The following CA10 variants were observed in gnomAD, a reference collection of about 807,000 sequenced individuals.
CA10 encodes the protein carbonic anhydrase-related protein 10.
In CA10, 14 loss-of-function variants were observed where a neutral mutation model predicts 44.2. The observed-to-expected ratio is 0.32, with a 90% CI of 0.21 to 0.50. The LOEUF (loss-of-function observed/expected upper bound fraction) is 0.50. Among genes scored for constraint, CA10 ranks in the 20% least tolerant of loss-of-function variants. CA10 has a pLI of 0.99. For synonymous variants in CA10, 159 were observed against 141.6 expected, an observed-to-expected ratio of 1.12 and a Z score of -0.87; for missense variants, 350 against 409.7, an observed-to-expected ratio of 0.85 and a Z score of 1.26.
intron 6 of CA10, among the ~76,000 whole-genome samples, chr17:51,648,847 C>T (rs1381520806): frequency 3.3e-5 from 5 of 152,150 alleles, no homozygotes; most frequent in African/African-American, 1.2e-4. Context: ...TTCTCAATCC[C>T]GTAATTGGCA....
rs761236926 is a variant in CA10, at chr17:52,059,428, AC to A, written c.136+12890del. On this transcript the variant is annotated intron_variant, in intron 2 of 8. Transcript: ENST00000451037. ...CACAAGCCACTGAGCATTTTCCAGA[AC>A]CCGTTGCTGCATCTATTATCCAAAG... Among the ~76,000 whole-genome samples, 49 of 152,008 alleles carry A rather than the reference AC, an allele frequency of 3.2e-4. 1 individual carries two copies. The highest frequency in any genetic ancestry group is 3.7e-4 in the Non-Finnish European group (25 of 67,984).
chr17:52,084,545 G>T lies in CA10; in HGVS notation c.62-12152C>A, dbSNP rs545850348. On this transcript the variant is annotated intron_variant, in intron 1 of 8. Coordinates refer to ENST00000451037, the MANE Select transcript of CA10 (RefSeq NM_020178.5). ...TTGTCTGGAGAGTTGTATCTGAGGAGATTTGAGGACCATCCCTATCTCAGC... is the reference window on the plus strand; with the variant it reads ...TTGTCTGGAGAGTTGTATCTGAGGATATTTGAGGACCATCCCTATCTCAGC... 3.7e-4 allele frequency among the ~76,000 whole-genome samples: 56 copies of T among 152,238 alleles called. 1 individual carries two copies. The highest frequency in any genetic ancestry group is 1.1e-3 in the African/African-American group (47 of 41,486).
chr17:51,854,179 C>T (rs555695749), intron 3 of CA10, among the ~76,000 whole-genome samples: 1 of 152,282 alleles, frequency 6.6e-6, no homozygotes, highest in South Asian at 2.1e-4. Context: ...CTTTCTCCAC[C>T]TTCCTCACGA....
At position 52,096,327 on chromosome 17, in the gene CA10, G is replaced by A. The variant is rs112965939; in HGVS notation, c.62-23934C>T. On this transcript the variant is annotated intron_variant, in intron 1 of 8. Transcript: ENST00000451037. ...CACCTTCTACTGTCAGGAAGAAGGA[G>A]TCTCAACAAGAAGCCTGTGAGAGTG... 9.6e-3 allele frequency among the ~76,000 whole-genome samples: 1,466 copies of A among 152,266 alleles called. 25 individuals are homozygous for A. Among genetic ancestry groups the A allele is most frequent in the African/African-American group, 0.033 (1,376 of 41,544 alleles).
At chr17:51,970,320 A>T (rs901688252) in intron 2 of CA10, among the ~76,000 whole-genome samples, 6 of 152,038 alleles carry the variant, frequency 3.9e-5, no homozygotes, top group Non-Finnish European at 8.8e-5. Flanking sequence ...ATTATCCAAA[A>T]AGGCATTTCC....
intron 3 of CA10, among the ~76,000 whole-genome samples, chr17:51,881,836 T>C (rs1980389249): frequency 6.6e-6 from 1 of 152,126 alleles, no homozygotes; most frequent in African/African-American, 2.4e-5. Flanking sequence ...GGAGAACAGC[T>C]TTGGAGAAGA....
At chr17:51,736,774 T>C (rs747836047) in intron 4 of CA10, among the ~76,000 whole-genome samples, 2 of 152,090 alleles carry the variant, frequency 1.3e-5, no homozygotes, top group African/African-American at 4.8e-5. Flanking sequence ...AGAGAAAAAA[T>C]GTAACTGTAC....
Position 51,854,578 on chromosome 17 carries a change from A to T in CA10, c.279+76412T>A, listed in dbSNP as rs57179173. 2.5e-3 allele frequency among the ~76,000 whole-genome samples: 386 copies of T among 152,256 alleles called. 21 individuals are homozygous for T. In the East Asian group the frequency reaches 0.064, roughly 25 times the overall value. On this transcript the variant is annotated intron_variant, in intron 3 of 8. Coordinates refer to ENST00000451037, the MANE Select transcript of CA10 (RefSeq NM_020178.5). Reference sequence around the variant, plus strand: ...GGAGTCACTTCCTAATGAAAGCAGCATCTGAGGAAGGTGAGTTCTGCACAA... The same window carrying T: ...GGAGTCACTTCCTAATGAAAGCAGCTTCTGAGGAAGGTGAGTTCTGCACAA...
chr17:52,104,974 T>C (rs1019067317), intron 1 of CA10, among the ~76,000 whole-genome samples: 4 of 152,166 alleles, frequency 2.6e-5, no homozygotes, highest in African/African-American at 7.2e-5. Flanking sequence ...CCCAGACTGA[T>C]GAAAGATCAG....
chr17:51,980,614 T>C (rs1224650352), intron 2 of CA10, among the ~76,000 whole-genome samples: 2 of 152,138 alleles, frequency 1.3e-5, no homozygotes, highest in Non-Finnish European at 1.5e-5. Flanking sequence ...TAGGATGGTA[T>C]TGCCTAGGTT....
intron 4 of CA10, among the ~76,000 whole-genome samples, chr17:51,698,644 T>C (rs778766252): frequency 4.6e-5 from 7 of 152,220 alleles, no homozygotes; most frequent in Admixed American, 6.5e-5. Context: ...TTGTCACTTA[T>C]AGTGCATTAA....
chr17:51,833,211 G>A (rs1908348998), intron 3 of CA10, among the ~76,000 whole-genome samples: 1 of 152,284 alleles, frequency 6.6e-6, no homozygotes, highest in South Asian at 2.1e-4. Context: ...AGTGAGAGTA[G>A]CTTGTTCTGA....
Position 51,916,579 on chromosome 17 carries a change from C to A in CA10, c.279+14411G>T, listed in dbSNP as rs144158405. Among the ~76,000 whole-genome samples the A allele has an allele frequency of 8.1e-4, 123 of 152,242 alleles. 1 individual carries two copies. Among genetic ancestry groups the A allele is most frequent in the African/African-American group, 2.5e-3 (105 of 41,546 alleles). ...CTTGTCTGCTGCCGTGTGAGACATG[C>A]CTTTGACCTTCCACCATGATTGTGA... is the stretch of plus-strand genomic sequence containing the variant. On this transcript the variant is annotated intron_variant, in intron 3 of 8. Coordinates refer to ENST00000451037, the MANE Select transcript of CA10 (RefSeq NM_020178.5).
chr17:51,740,122 T>A (rs1473524858), intron 4 of CA10, among the ~76,000 whole-genome samples: 1 of 152,230 alleles, frequency 6.6e-6, no homozygotes, highest in African/African-American at 2.4e-5. Flanking sequence ...TTGGGTATAA[T>A]CTAGGTACTT....
chr17:51,906,020 T>C (rs979061305), intron 3 of CA10, among the ~76,000 whole-genome samples: 3 of 152,078 alleles, frequency 2.0e-5, no homozygotes, highest in African/African-American at 7.2e-5. Flanking sequence ...TCCTACATTA[T>C]CTTGCGTGGA....
At chr17:52,159,175 A>ATT (rs5820909), upstream of CA10, 1,238 of 152,070 alleles carry the variant, frequency 8.1e-3, 17 homozygotes, top group African/African-American at 0.028. Context: ...AATATTGGAG[A>ATT]TTTTTTTGCA....
chr17:52,027,688 A>T (rs1209933995), intron 2 of CA10, among the ~76,000 whole-genome samples: 8 of 152,162 alleles, frequency 5.3e-5, no homozygotes, highest in Non-Finnish European at 1.2e-4. Context: ...GCAGACCCTC[A>T]TTCACTTTTT....
chr17:51,794,285 G>T (rs146381888), intron 3 of CA10, among the ~76,000 whole-genome samples: 1 of 152,160 alleles, frequency 6.6e-6, no homozygotes, highest in African/African-American at 2.4e-5. Flanking sequence ...TATAGACAGG[G>T]GTGTAAGAAC....
At chr17:51,861,769 G>A (rs1392935) in intron 3 of CA10, among the ~76,000 whole-genome samples, 25,870 of 152,070 alleles carry the variant, frequency 0.17, 3,579 homozygotes, top group African/African-American at 0.39. Flanking sequence ...AATAAATCCA[G>A]TGTGAACAAT....
Sources: gnomAD v4.1 joint callset for allele counts (sites outside exome capture counted in the v4.1 genomes callset) on GRCh38, gnomAD v4.1.1 for gene constraint, MANE v1.5 for transcripts, NCBI Gene and HGNC (gene_info 2026-07-23, HGNC 2026-07-21) for gene names.